Variants in CFAP47 observed in about 807,000 individuals in gnomAD.
The protein encoded by CFAP47 is cilia- and flagella-associated protein 47.
In CFAP47, 29 loss-of-function variants were observed where a neutral mutation model predicts 148.1. The observed-to-expected ratio is 0.20, with a 90% CI of 0.15 to 0.27. CFAP47 has a LOEUF of 0.27. CFAP47 is among the 10% of genes least tolerant of loss of function. CFAP47 has a pLI of 1.00. For synonymous variants in CFAP47, 664 were observed against 577.3 expected, an observed-to-expected ratio of 1.15 and a Z score of -2.15; for missense variants, 1,872 against 1,697.5, an observed-to-expected ratio of 1.10 and a Z score of -1.81.
Position 36,046,864 on chromosome X carries a change from C to A in CFAP47, c.4018C>A (p.Leu1340Ile). 2 of 1,143,693 alleles carry A rather than the reference C, an allele frequency of 1.7e-6. No homozygotes were observed. The highest frequency in any genetic ancestry group is 2.3e-6 in the Non-Finnish European group (2 of 857,843). 94.3% of individuals were successfully genotyped at this position (1,143,693 alleles called of 1,213,427 possible). A position where few individuals can be genotyped will look rare whatever the true frequency, so the allele number is the denominator to read the frequency against. Residue 1340 changes from leucine to isoleucine, a missense_variant, in exon 26 of 64, where the codon CTA becomes ATA. By Grantham distance (5) the Leu-to-Ile change is conservative. Coordinates refer to ENST00000378653, the MANE Select transcript of CFAP47 (RefSeq NM_001304548.2). ...TTTTATTTTAAACAGAAATTCAACT[C>A]TATGTGTCCAGATTCCCACAGTAAG... is the stretch of plus-strand genomic sequence containing the variant. Reference protein sequence around the residue: ...LPQNYFRNSTLCVQIPTVRLL... With the variant: ...LPQNYFRNSTICVQIPTVRLL...
intron 15 of CFAP47, among the ~76,000 whole-genome samples, chrX:35,987,126 C>T (rs949160713): frequency 9.8e-5 from 11 of 111,784 alleles, no homozygotes; most frequent in Admixed American, 3.8e-4. Context: ...TAGCAGAGCT[C>T]GAGCACTGTG....
chrX:36,281,960 TC>T (rs1941083137), intron 50 of CFAP47, among the ~76,000 whole-genome samples: 1 of 110,887 alleles, frequency 9.0e-6, no homozygotes, highest in Non-Finnish European at 1.9e-5. Context: ...TGGATGACTG[TC>T]CTTATAGAAG....
At position 36,167,269 on chromosome X, in the gene CFAP47, G is replaced by T. The variant is rs1012289503; in HGVS notation, c.6026+6500G>T. On this transcript the variant is annotated intron_variant, in intron 39 of 63. Coordinates refer to ENST00000378653, the MANE Select transcript of CFAP47 (RefSeq NM_001304548.2). ...AAATGAAATCAGTACTTTGGGAAGC[G>T]ATTAGGAGCTATTCATTTTAAAGCC... 2.7e-5 allele frequency among the ~76,000 whole-genome samples: 3 copies of T among 111,341 alleles called. 1 individual carries two copies. The highest frequency in any genetic ancestry group is 7.5e-4 in the South Asian group (2 of 2,672).
intron 16 of CFAP47, chrX:35,989,655 C>A (rs1936764021): frequency 2.1e-6 from 2 of 940,846 alleles, no homozygotes; most frequent in African/African-American, 4.0e-5. Flanking sequence ...TTAAGAGACA[C>A]AAAAAGTATT....
intron 45 of CFAP47, among the ~76,000 whole-genome samples, chrX:36,228,130 C>T (rs782818848): frequency 2.0e-4 from 22 of 111,772 alleles, no homozygotes; most frequent in Admixed American, 9.6e-4. Context: ...CAGAGCACCT[C>T]TAAGTCATAG....
At chrX:36,268,907 T>G (rs1940926631) in intron 49 of CFAP47, among the ~76,000 whole-genome samples, 1 of 112,254 alleles carries the variant, frequency 8.9e-6, no homozygotes, top group Non-Finnish European at 1.9e-5. Context: ...TAACCTTCAA[T>G]GATAATTTTC....
chrX:36,209,499 G>A (rs141770007), intron 45 of CFAP47, among the ~76,000 whole-genome samples: 1,275 of 110,611 alleles, frequency 0.012, 19 homozygotes, highest in African/African-American at 0.04. Context: ...AAATTTTTTA[G>A]CAAACCCAAA....
intron 35 of CFAP47, among the ~76,000 whole-genome samples, chrX:36,143,076 C>T (rs1033209535): frequency 8.9e-6 from 1 of 111,965 alleles, no homozygotes. Flanking sequence ...TTACTAACGT[C>T]GTCTTTAAAG....
At chrX:36,203,804 AGAGGAGCATATGCATG>A (rs1940008440) in intron 44 of CFAP47, among the ~76,000 whole-genome samples, 1 of 112,230 alleles carries the variant, frequency 8.9e-6, no homozygotes, top group Non-Finnish European at 1.9e-5. Context: ...CATTTTGTCT[AGAGGAGCATATGCATG>A]GAGGTGAGTT....
intron 33 of CFAP47, among the ~76,000 whole-genome samples, chrX:36,124,137 G>T (rs1938796446): frequency 1.8e-5 from 2 of 111,468 alleles, no homozygotes; most frequent in South Asian, 7.7e-4. Context: ...TCCTTATCCT[G>T]CTGTGCCTGA....
At chrX:36,065,832 G>A in intron 27 of CFAP47, 89 bp downstream of exon 27, 1 of 502,618 alleles carries the variant, frequency 2.0e-6, no homozygotes, top group Non-Finnish European at 3.3e-6. Flanking sequence ...AAAATTATCA[G>A]TTGTTTATTA....
chrX:36,371,604 T>C (rs1399446531), intron 62 of CFAP47, among the ~76,000 whole-genome samples: 2 of 91,315 alleles, frequency 2.2e-5, no homozygotes, highest in African/African-American at 7.9e-5. Flanking sequence ...TGTGTGTATA[T>C]ATGTGTATAT....
At chrX:36,297,892 T>G (rs1448762476) in intron 51 of CFAP47, among the ~76,000 whole-genome samples, 1 of 111,182 alleles carries the variant, frequency 9.0e-6, no homozygotes, top group Non-Finnish European at 1.9e-5. Flanking sequence ...CCAGAGCTAC[T>G]GAATCTCTGG....
At chrX:36,265,874 C>G (rs1438354517) in intron 49 of CFAP47, among the ~76,000 whole-genome samples, 3 of 111,505 alleles carry the variant, frequency 2.7e-5, no homozygotes, top group African/African-American at 9.8e-5. Context: ...TTTGGATGGG[C>G]TTTATATTTT....
At chrX:36,101,923 T>G (rs2146793777) in intron 32 of CFAP47, among the ~76,000 whole-genome samples, 1 of 111,566 alleles carries the variant, frequency 9.0e-6, no homozygotes, top group East Asian at 2.8e-4. Context: ...AATAGCAAAG[T>G]TCATGTGAAC....
chrX:36,008,576 C>T (rs1937005573), intron 21 of CFAP47, among the ~76,000 whole-genome samples: 1 of 109,174 alleles, frequency 9.2e-6, no homozygotes, highest in South Asian at 4.1e-4. Context: ...TCCAGACTAG[C>T]CTGGCCAACA....
chrX:36,168,429 A>G (rs1007658068), intron 39 of CFAP47, among the ~76,000 whole-genome samples: 2 of 112,323 alleles, frequency 1.8e-5, no homozygotes, highest in African/African-American at 3.2e-5. Context: ...CTGAATTTCA[A>G]TATAACTCAG....
At chrX:36,279,747 C>T (rs975225246) in intron 49 of CFAP47, among the ~76,000 whole-genome samples, 1 of 111,112 alleles carries the variant, frequency 9.0e-6, no homozygotes, top group East Asian at 2.8e-4. Context: ...CTCTTTCACC[C>T]GGGATGGAGT....
chrX:36,040,825 T>C (rs1277502064), intron 25 of CFAP47, among the ~76,000 whole-genome samples: 1 of 111,726 alleles, frequency 9.0e-6, no homozygotes, highest in East Asian at 2.8e-4. Context: ...ATGTGGACAT[T>C]AGAGCTGAAA....
Sources: allele counts gnomAD v4.1 joint callset (sites outside exome capture counted in the v4.1 genomes callset), GRCh38; gene constraint gnomAD v4.1.1; transcripts MANE v1.5; gene names NCBI Gene and HGNC (gene_info 2026-07-23, HGNC 2026-07-21).